Variants in CNTNAP2 observed in about 807,000 individuals in gnomAD.
CNTNAP2 encodes contactin-associated protein-like 2.
In CNTNAP2, 98 loss-of-function variants were observed where a neutral mutation model predicts 155.2. That is an observed-to-expected ratio of 0.63 (90% CI 0.54 to 0.75). The LOEUF is 0.75. Ranked by LOEUF, CNTNAP2 falls within the 30% of genes least tolerant of loss-of-function variation. The pLI, the probability that CNTNAP2 is intolerant of heterozygous loss-of-function variation, is 0.00. For missense variants in CNTNAP2, 1,727 were observed against 1,688.1 expected, an observed-to-expected ratio of 1.02 and a Z score of -0.40; for synonymous variants, 651 against 631.2, an observed-to-expected ratio of 1.03 and a Z score of -0.47.
At chr7:147,149,322 T>G (rs1801778813) in intron 8 of CNTNAP2, among the ~76,000 whole-genome samples, 1 of 152,148 alleles carries the variant, frequency 6.6e-6, no homozygotes, top group Non-Finnish European at 1.5e-5. Flanking sequence ...CTGATTGGTG[T>G]GTTTACAATC....
At chr7:147,031,128 T>A (rs1473430390) in intron 3 of CNTNAP2, among the ~76,000 whole-genome samples, 2 of 152,180 alleles carry the variant, frequency 1.3e-5, no homozygotes, top group Admixed American at 1.3e-4. Context: ...GTTAGATTTG[T>A]ATTTCTGTTT....
intron 14 of CNTNAP2, among the ~76,000 whole-genome samples, chr7:147,939,392 G>C (rs185167405): frequency 6.6e-6 from 1 of 151,828 alleles, no homozygotes; most frequent in Non-Finnish European, 1.5e-5. Context: ...GCAGTGGCAC[G>C]ATCTCAGCTC....
chr7:147,434,450 G>T (rs1006775421), intron 10 of CNTNAP2, among the ~76,000 whole-genome samples: 3 of 152,088 alleles, frequency 2.0e-5, no homozygotes, highest in Admixed American at 6.5e-5. Flanking sequence ...TTTACTGTTT[G>T]AACACTCCCT....
chr7:146,929,779 C>T (rs1300897187), intron 3 of CNTNAP2, among the ~76,000 whole-genome samples: 2 of 152,088 alleles, frequency 1.3e-5, no homozygotes, highest in Admixed American at 6.6e-5. Flanking sequence ...GGCTCGAGAA[C>T]TACGTGAAGA....
rs189973100 is a variant in CNTNAP2, at chr7:146,231,168, A to T, written c.97+114195A>T. ...TTGCAGGAAATATACATTCACTAGG[A>T]TTACCTCAAGTAATGGGGAAATGTT... On this transcript the variant is annotated intron_variant, in intron 1 of 23. Transcript: ENST00000361727. Among the ~76,000 whole-genome samples, 960 of 152,238 alleles carry T rather than the reference A, an allele frequency of 6.3e-3. 6 individuals are homozygous for T. The highest frequency in any genetic ancestry group is 0.011 in the Non-Finnish European group (779 of 68,020).
intron 4 of CNTNAP2, among the ~76,000 whole-genome samples, chr7:147,091,266 T>C (rs1800397099): frequency 6.6e-6 from 1 of 152,022 alleles, no homozygotes; most frequent in African/African-American, 2.4e-5. Context: ...CTCTTCTGTA[T>C]CCTGATGGGA....
intron 1 of CNTNAP2, among the ~76,000 whole-genome samples, chr7:146,622,650 C>G (rs907276061): frequency 6.6e-6 from 1 of 151,984 alleles, no homozygotes; most frequent in African/African-American, 2.4e-5. Context: ...ACTTCCCACC[C>G]CAATAGTAAT....
intron 8 of CNTNAP2, among the ~76,000 whole-genome samples, chr7:147,252,300 T>C (rs1474957751): frequency 1.3e-5 from 2 of 152,268 alleles, no homozygotes; most frequent in Non-Finnish European, 2.9e-5. Context: ...CCAGAAAGGA[T>C]CTTTAAGTAT....
At chr7:148,261,849 A>G (rs1184375922) in intron 20 of CNTNAP2, among the ~76,000 whole-genome samples, 1 of 152,194 alleles carries the variant, frequency 6.6e-6, no homozygotes, top group Non-Finnish European at 1.5e-5. Context: ...CTCTGGGCAG[A>G]GCCTCTGCTA....
At chr7:148,160,597 T>C (rs938489208) in intron 17 of CNTNAP2, among the ~76,000 whole-genome samples, 4 of 152,326 alleles carry the variant, frequency 2.6e-5, no homozygotes, top group Admixed American at 1.3e-4. Context: ...ATTACTCCTA[T>C]AATTTTGACT....
Position 146,499,323 on chromosome 7 carries a change from C to T in CNTNAP2, c.98-274948C>T, listed in dbSNP as rs1193709324. On this transcript the variant is annotated intron_variant, in intron 1 of 23. Transcript: ENST00000361727. ...TCAGCCTCCTGAGTAGCTGGGATAACAGGCATGCCACCACACCTGGCTGAT... is the reference window on the plus strand; with the variant it reads ...TCAGCCTCCTGAGTAGCTGGGATAATAGGCATGCCACCACACCTGGCTGAT... 3.3e-5 allele frequency among the ~76,000 whole-genome samples: 5 copies of T among 152,134 alleles called. No individual in the cohort carries two copies. The East Asian group carries it at 9.6e-4, about 29-fold the overall frequency.
intron 1 of CNTNAP2, among the ~76,000 whole-genome samples, chr7:146,584,479 T>C (rs1219258623): frequency 6.6e-6 from 1 of 152,210 alleles, no homozygotes; most frequent in Non-Finnish European, 1.5e-5. Context: ...GGGGAAACAG[T>C]CATGATTGAT....
intron 13 of CNTNAP2, among the ~76,000 whole-genome samples, chr7:147,810,073 G>A (rs1205716013): frequency 6.6e-6 from 1 of 152,172 alleles, no homozygotes; most frequent in East Asian, 1.9e-4. Flanking sequence ...AAACGTGGAT[G>A]TTGGAAAGTA....
At chr7:146,771,741 A>G (rs1802296105) in intron 1 of CNTNAP2, among the ~76,000 whole-genome samples, 1 of 152,242 alleles carries the variant, frequency 6.6e-6, no homozygotes, top group Admixed American at 6.5e-5. Context: ...GAGATAATAA[A>G]TAATAATTCA....
intron 15 of CNTNAP2, among the ~76,000 whole-genome samples, chr7:148,006,994 T>C (rs1230908180): frequency 6.6e-6 from 1 of 152,202 alleles, no homozygotes; most frequent in Non-Finnish European, 1.5e-5. Flanking sequence ...GTGCCTCTGA[T>C]TGGCCTTATA....
intron 10 of CNTNAP2, among the ~76,000 whole-genome samples, chr7:147,441,841 CT>C (rs1200455884): frequency 2.7e-4 from 40 of 147,540 alleles, no homozygotes; most frequent in South Asian, 4.5e-4. Context: ...CTCTCTCTCT[CT>C]CTCTCTCTCC....
At chr7:148,357,040 T>C (rs527496071) in intron 21 of CNTNAP2, among the ~76,000 whole-genome samples, 1 of 152,268 alleles carries the variant, frequency 6.6e-6, no homozygotes, top group Non-Finnish European at 1.5e-5. Context: ...TATCCATCCC[T>C]AGTACTTTGC....
intron 4 of CNTNAP2, among the ~76,000 whole-genome samples, chr7:147,062,361 T>C (rs1414125576): frequency 6.6e-6 from 1 of 152,006 alleles, no homozygotes; most frequent in Non-Finnish European, 1.5e-5. Flanking sequence ...CACAATGTCA[T>C]TCCCAATGTC....
intron 18 of CNTNAP2, among the ~76,000 whole-genome samples, chr7:148,198,521 C>T (rs1273744870): frequency 6.6e-6 from 1 of 152,152 alleles, no homozygotes; most frequent in Non-Finnish European, 1.5e-5. Context: ...ATCTCCCATG[C>T]TGAAATAACT....
Sources: allele counts gnomAD v4.1 joint callset (sites outside exome capture counted in the v4.1 genomes callset), GRCh38; gene constraint gnomAD v4.1.1; transcripts MANE v1.5; gene names NCBI Gene and HGNC (gene_info 2026-07-23, HGNC 2026-07-21).